Variants in WWTR1 observed in about 807,000 individuals in gnomAD.
WWTR1 encodes the protein WW domain-containing transcription regulator protein 1.
A neutral mutation model predicts 40.1 loss-of-function variants in WWTR1; 13 were observed. The observed-to-expected ratio is 0.32, with a 90% CI of 0.21 to 0.52. WWTR1 has a LOEUF of 0.52. WWTR1 is among the 20% of genes least tolerant of loss of function. The probability of loss-of-function intolerance (pLI) is 0.97; values close to 1 mark genes in which losing one functional copy is unlikely to be tolerated. For missense variants in WWTR1, 436 were observed against 523.1 expected (o/e 0.83, Z 1.63); for synonymous variants, 230 against 210.1 (o/e 1.09, Z -0.82).
At chr3:149,521,053 T>A (rs1735022669) in intron 6 of WWTR1, 64 bp from the exon 7 acceptor site, 3 of 1,496,590 alleles carry the variant, frequency 2.0e-6, no homozygotes, top group African/African-American at 2.8e-5. Flanking sequence ...GAGGAACAGT[T>A]CAAGTATTTA....
rs1206619659 is a variant in WWTR1, at chr3:149,559,439, AGATAGATG to A, written c.568+13417_568+13424del. Among the ~76,000 whole-genome samples, 6 of 152,264 alleles carry A rather than the reference AGATAGATG, an allele frequency of 3.9e-5. No individual in the cohort carries two copies. The East Asian group carries it at 5.8e-4, about 15-fold the overall frequency. ...CAGAAAAAAAAATATGTAGATAGAT[AGATAGATG>A]GATAGATGGATAGATGCAACCGTGG... On this transcript the variant is annotated intron_variant, in intron 3 of 6. Coordinates refer to ENST00000360632, the MANE Select transcript of WWTR1 (RefSeq NM_015472.6).
At chr3:149,656,404 C>G (rs75019819) in intron 2 of WWTR1, among the ~76,000 whole-genome samples, 10,121 of 152,186 alleles carry the variant, frequency 0.067, 840 homozygotes, top group African/African-American at 0.19. Context: ...ACTTTTCCAG[C>G]TTGCTTTTCC....
At chr3:149,660,848 T>C (rs1713540440), upstream of WWTR1, among the ~76,000 whole-genome samples, 1 of 152,240 alleles carries the variant, frequency 6.6e-6, no homozygotes, top group Non-Finnish European at 1.5e-5. Context: ...ATTATGCAAG[T>C]AGCTTAGCAT....
chr3:149,712,353 A>G (rs1364626206), intron 5 of WWTR1, among the ~76,000 whole-genome samples: 1 of 152,168 alleles, frequency 6.6e-6, no homozygotes, highest in Non-Finnish European at 1.5e-5. Flanking sequence ...AATTATTGGG[A>G]ACTAAAGGGA....
intron 1 of WWTR1, among the ~76,000 whole-genome samples, chr3:149,689,257 T>C (rs1055099388): frequency 6.6e-6 from 1 of 151,772 alleles, no homozygotes; most frequent in Admixed American, 6.6e-5. Context: ...GGTTTGCACC[T>C]GTAGTCCCAG....
At chr3:149,623,208 A>G (rs910390796) in intron 2 of WWTR1, among the ~76,000 whole-genome samples, 6 of 152,124 alleles carry the variant, frequency 3.9e-5, no homozygotes, top group Non-Finnish European at 8.8e-5. Context: ...CCAAAAAAAT[A>G]CAAAATTATT....
At chr3:149,617,620 T>C (rs1378953972) in intron 2 of WWTR1, among the ~76,000 whole-genome samples, 1 of 152,094 alleles carries the variant, frequency 6.6e-6, no homozygotes, top group Non-Finnish European at 1.5e-5. Context: ...GCCAACATGG[T>C]GAAATCCTGT....
chr3:149,556,159 A>T (rs1000836988), intron 3 of WWTR1, among the ~76,000 whole-genome samples: 2 of 152,084 alleles, frequency 1.3e-5, no homozygotes, highest in Non-Finnish European at 2.9e-5. Context: ...CCAGACTGAT[A>T]GAAATCTCCT....
intron 2 of WWTR1, among the ~76,000 whole-genome samples, chr3:149,585,991 A>G (rs1368009322): frequency 6.6e-6 from 1 of 152,226 alleles, no homozygotes; most frequent in Admixed American, 6.5e-5. Context: ...ATGTTTATGC[A>G]AACTCCAAAC....
intron 2 of WWTR1, among the ~76,000 whole-genome samples, chr3:149,595,106 C>T (rs1336538998): frequency 6.6e-6 from 1 of 151,588 alleles, no homozygotes; most frequent in African/African-American, 2.4e-5. Flanking sequence ...GGACTACAGG[C>T]ATGCACCACC....
At chr3:149,622,502 G>GAAGAAAGAA (rs1740344264) in intron 2 of WWTR1, among the ~76,000 whole-genome samples, 1 of 46,298 alleles carries the variant, frequency 2.2e-5, no homozygotes, top group African/African-American at 8.0e-5. Context: ...AGGAAGGAAG[G>GAAGAAAGAA]AAGAAAGAAA....
At chr3:149,557,800 C>G (rs898426773) in intron 3 of WWTR1, among the ~76,000 whole-genome samples, 2 of 151,770 alleles carry the variant, frequency 1.3e-5, no homozygotes, top group Non-Finnish European at 2.9e-5. Flanking sequence ...GTCAGGAGTT[C>G]AAGACCAGCC....
At chr3:149,637,459 A>G (rs113956371) in intron 2 of WWTR1, among the ~76,000 whole-genome samples, 4,340 of 151,698 alleles carry the variant, frequency 0.029, 198 homozygotes, top group African/African-American at 0.1. Context: ...TTGAACTCCT[A>G]ACCTCAGGTA....
At chr3:149,683,567 G>A (rs139479533) in intron 1 of WWTR1, among the ~76,000 whole-genome samples, 3,239 of 152,212 alleles carry the variant, frequency 0.021, 65 homozygotes, top group South Asian at 0.092. Flanking sequence ...GGTGGCATGC[G>A]CCTGTAATCC....
intron 1 of WWTR1, among the ~76,000 whole-genome samples, chr3:149,684,689 G>A (rs1445125792): frequency 1.3e-5 from 2 of 151,956 alleles, no homozygotes; most frequent in Non-Finnish European, 2.9e-5. Context: ...TCAGCCACTC[G>A]AGTAGCTGGG....
chr3:149,596,304 GCAC>G (rs1739002220), intron 2 of WWTR1, among the ~76,000 whole-genome samples: 6 of 152,174 alleles, frequency 3.9e-5, no homozygotes, highest in Admixed American at 3.9e-4. Flanking sequence ...CTCAGACCTG[GCAC>G]TGATAACACA....
In WWTR1 at chr3:149,518,461, T is replaced by C. The variant is rs1297218357; in HGVS notation, c.*2344A>G. ...CCTTGTTTTTTTAATTTTTTATTTA[T>C]TTATTTATTTTTAGCAAGAATGTAC... is the stretch of plus-strand genomic sequence containing the variant. On this transcript the variant is annotated 3_prime_UTR_variant, in exon 7 of 7. Transcript: ENST00000360632. 6.6e-6 allele frequency: 1 copy of C among 152,148 alleles called. No homozygotes were observed. Among genetic ancestry groups the C allele is most frequent in the Admixed American group, 6.5e-5 (1 of 15,272 alleles). The allele number at this position is 152,148 out of a possible 1,614,324, so 9.4% of individuals were successfully genotyped here.
chr3:149,605,465 G>A (rs900678236), intron 2 of WWTR1, among the ~76,000 whole-genome samples: 1 of 152,202 alleles, frequency 6.6e-6, no homozygotes, highest in Non-Finnish European at 1.5e-5. Context: ...AGGTGAGGAA[G>A]AAATAATGGG....
chr3:149,704,856 A>C (rs556129194), upstream of WWTR1, among the ~76,000 whole-genome samples: 12 of 151,980 alleles, frequency 7.9e-5, no homozygotes, highest in African/African-American at 2.9e-4. Flanking sequence ...GTTAAAAAAA[A>C]AAAAACAACA....
Sources: allele counts gnomAD v4.1 joint callset (sites outside exome capture counted in the v4.1 genomes callset), GRCh38; gene constraint gnomAD v4.1.1; transcripts MANE v1.5; gene names NCBI Gene and HGNC (gene_info 2026-07-23, HGNC 2026-07-21).